FRMD4A: variants seen among roughly 807,000 people sequenced by gnomAD.
FRMD4A encodes the protein FERM domain-containing protein 4A.
FRMD4A carries 29 observed loss-of-function variants against 129.1 expected under a neutral mutation model. The ratio of observed to expected loss-of-function variants is 0.22; its 90% CI spans 0.17 to 0.31. The LOEUF is 0.31. FRMD4A is among the 10% of genes least tolerant of loss of function. The probability of loss-of-function intolerance (pLI) is 1.00; values close to 1 mark genes in which losing one functional copy is unlikely to be tolerated. For synonymous variants in FRMD4A, 634 were observed against 571.6 expected, an observed-to-expected ratio of 1.11 and a Z score of -1.56; for missense variants, 1,272 against 1,375.8, an observed-to-expected ratio of 0.92 and a Z score of 1.19.
intron 2 of FRMD4A, among the ~76,000 whole-genome samples, chr10:14,122,368 G>T (rs1313300809): frequency 6.6e-6 from 1 of 152,056 alleles, no homozygotes; most frequent in Non-Finnish European, 1.5e-5. Context: ...ACAAATAATT[G>T]TACATACTCA....
At chr10:13,690,165 T>G (rs187728336) in intron 15 of FRMD4A, among the ~76,000 whole-genome samples, 1 of 152,258 alleles carries the variant, frequency 6.6e-6, no homozygotes, top group African/African-American at 2.4e-5. Context: ...TATTAACAAT[T>G]AGAGCTCTCC....
intron 2 of FRMD4A, among the ~76,000 whole-genome samples, chr10:13,963,201 A>C (rs1180207219): frequency 6.6e-6 from 1 of 152,086 alleles, no homozygotes; most frequent in African/African-American, 2.4e-5. Context: ...AAACTAAAAC[A>C]AACAAATGTG....
intron 2 of FRMD4A, among the ~76,000 whole-genome samples, chr10:14,316,087 A>AC (rs968854129): frequency 6.6e-6 from 1 of 152,112 alleles, no homozygotes; most frequent in African/African-American, 2.4e-5. Flanking sequence ...ATGGGAATCT[A>AC]CCCCATTCCC....
At chr10:13,724,258 G>A (rs1315080042) in intron 12 of FRMD4A, among the ~76,000 whole-genome samples, 1 of 152,100 alleles carries the variant, frequency 6.6e-6, no homozygotes, top group East Asian at 1.9e-4. Context: ...CGTGGTGGCG[G>A]GCGCCTGTAG....
chr10:13,810,570 CTTGA>C (rs2093427963), intron 4 of FRMD4A, among the ~76,000 whole-genome samples: 1 of 152,132 alleles, frequency 6.6e-6, no homozygotes, highest in Non-Finnish European at 1.5e-5. Flanking sequence ...CACAAACCTG[CTTGA>C]TTATTAGAAC....
At chr10:14,175,877 C>T (rs1270340266) in intron 2 of FRMD4A, among the ~76,000 whole-genome samples, 2 of 152,056 alleles carry the variant, frequency 1.3e-5, no homozygotes, top group African/African-American at 4.8e-5. Context: ...CAGGCTGCAA[C>T]CTCATTCTCA....
In FRMD4A at chr10:13,738,020, G is replaced by A. The variant is rs796685060; in HGVS notation, c.673-90C>T. ...GATTTCCTGGCTCAGGGGCAGACGA[G>A]GGAAAGGGCCATTTCCTTGGAATGG... On this transcript the variant is annotated intron_variant, in intron 11 of 24. Coordinates refer to ENST00000357447, the MANE Select transcript of FRMD4A (RefSeq NM_018027.5). 19 of 746,742 alleles carry A rather than the reference G, an allele frequency of 2.5e-5. No homozygotes were observed. In the African/African-American group the frequency reaches 3.1e-4, roughly 12 times the overall value. 46.3% of individuals were successfully genotyped at this position (746,742 alleles called of 1,614,324 possible).
At chr10:13,716,310 A>C (rs1288544463) in intron 12 of FRMD4A, among the ~76,000 whole-genome samples, 1 of 152,168 alleles carries the variant, frequency 6.6e-6, no homozygotes, top group Non-Finnish European at 1.5e-5. Flanking sequence ...CCTGCGAAAA[A>C]AGTATCCCAT....
intron 2 of FRMD4A, among the ~76,000 whole-genome samples, chr10:14,136,523 G>A (rs2131835463): frequency 6.6e-6 from 1 of 152,140 alleles, no homozygotes; most frequent in South Asian, 2.1e-4. Flanking sequence ...GCCAGACTGA[G>A]GCATAAGTGA....
At chr10:13,766,406 T>C (rs1438903411) in intron 6 of FRMD4A, among the ~76,000 whole-genome samples, 1 of 152,208 alleles carries the variant, frequency 6.6e-6, no homozygotes, top group Non-Finnish European at 1.5e-5. Context: ...AGGTGAAATG[T>C]GGCCAGTGGG....
At chr10:14,170,545 C>A (rs769806029) in intron 2 of FRMD4A, among the ~76,000 whole-genome samples, 1 of 152,118 alleles carries the variant, frequency 6.6e-6, no homozygotes, top group African/African-American at 2.4e-5. Flanking sequence ...AAGACACCAA[C>A]GCTGGGAAGT....
chr10:13,758,856 T>C (rs559225333), intron 8 of FRMD4A, among the ~76,000 whole-genome samples: 3 of 152,268 alleles, frequency 2.0e-5, no homozygotes, highest in Non-Finnish European at 4.4e-5. Context: ...CATAAATAAA[T>C]TTATTTATAT....
intron 2 of FRMD4A, among the ~76,000 whole-genome samples, chr10:13,883,080 A>G (rs868475477): frequency 6.6e-6 from 1 of 152,126 alleles, no homozygotes; most frequent in African/African-American, 2.4e-5. Flanking sequence ...CTGGGATTAC[A>G]GGCATAAGCC....
At chr10:13,953,309 A>C (rs928531951) in intron 2 of FRMD4A, among the ~76,000 whole-genome samples, 6 of 152,150 alleles carry the variant, frequency 3.9e-5, no homozygotes, top group Non-Finnish European at 5.9e-5. Context: ...TTTATTCTAA[A>C]GGGAGCTATG....
At chr10:13,840,370 GC>G (rs1399951051) in intron 3 of FRMD4A, among the ~76,000 whole-genome samples, 11 of 152,218 alleles carry the variant, frequency 7.2e-5, no homozygotes, top group African/African-American at 2.7e-4. Flanking sequence ...CACCAAACCT[GC>G]CGAGACTCTG....
intron 2 of FRMD4A, among the ~76,000 whole-genome samples, chr10:14,328,369 T>TTGGG (rs796674327): frequency 1.1e-5 from 1 of 91,188 alleles, no homozygotes; most frequent in East Asian, 2.9e-4. Flanking sequence ...TGTGTGTGGG[T>TTGGG]GGGGGGGGGG....
At chr10:13,714,394 T>C (rs1193916361) in intron 12 of FRMD4A, among the ~76,000 whole-genome samples, 1 of 151,436 alleles carries the variant, frequency 6.6e-6, no homozygotes, top group Non-Finnish European at 1.5e-5. Flanking sequence ...TGAAATCATA[T>C]GTCAGAGGTT....
intron 2 of FRMD4A, among the ~76,000 whole-genome samples, chr10:14,259,384 A>G (rs926264510): frequency 2.0e-5 from 3 of 152,172 alleles, no homozygotes; most frequent in South Asian, 2.1e-4. Flanking sequence ...ACTGAAATAA[A>G]TATTATTTAA....
At chr10:13,988,058 A>G (rs7078888) in intron 2 of FRMD4A, among the ~76,000 whole-genome samples, 5,137 of 152,344 alleles carry the variant, frequency 0.034, 144 homozygotes, top group Non-Finnish European at 0.05. Context: ...AAATCTGATC[A>G]GACAGTAGGC....
Sources: allele counts gnomAD v4.1 joint callset (sites outside exome capture counted in the v4.1 genomes callset), GRCh38; gene constraint gnomAD v4.1.1; transcripts MANE v1.5; gene names NCBI Gene and HGNC (gene_info 2026-07-23, HGNC 2026-07-21).